PRR16: variants seen among roughly 807,000 people sequenced by gnomAD.
PRR16 encodes the protein proline rich 16.
A neutral mutation model predicts 18.2 loss-of-function variants in PRR16; 6 were observed. The ratio of observed to expected loss-of-function variants is 0.33; its 90% CI spans 0.18 to 0.65. The LOEUF (loss-of-function observed/expected upper bound fraction) is 0.65, where lower values mean the gene tolerates loss of function less well. PRR16 is among the 30% of genes least tolerant of loss of function. PRR16 has a pLI of 0.74. For synonymous variants in PRR16, 151 were observed against 147.8 expected (o/e 1.02, Z -0.16); for missense variants, 412 against 376.6 (o/e 1.09, Z -0.78).
intron 1 of PRR16, among the ~76,000 whole-genome samples, chr5:120,568,418 A>G (rs1009062680): frequency 6.6e-6 from 1 of 152,194 alleles, no homozygotes; most frequent in African/African-American, 2.4e-5. Context: ...GATCAGGGAT[A>G]TGAGATATTT....
At chr5:120,521,600 G>A (rs1751182727) in intron 1 of PRR16, among the ~76,000 whole-genome samples, 1 of 151,904 alleles carries the variant, frequency 6.6e-6, no homozygotes, top group African/African-American at 2.4e-5. Context: ...ATCAAATCAG[G>A]GTAATTATCA....
At chr5:120,645,630 A>C (rs562559512) in intron 1 of PRR16, among the ~76,000 whole-genome samples, 8 of 152,162 alleles carry the variant, frequency 5.3e-5, no homozygotes, top group Admixed American at 3.3e-4. Context: ...AAAAAAGAAA[A>C]TGTTTGAAGT....
chr5:120,535,576 G>T lies in PRR16; in HGVS notation c.159+70931G>T, dbSNP rs535754079. On this transcript the variant is annotated intron_variant, in intron 1 of 1. Coordinates refer to ENST00000407149, the MANE Select transcript of PRR16 (RefSeq NM_001300783.2). ...GCACTTTGGGAGGCCAAAGCGGGAG[G>T]ATCGCTTGAGCTCGAGAGTTCAAAA... Among the ~76,000 whole-genome samples the T allele has an allele frequency of 5.3e-5, 8 of 152,290 alleles. No homozygotes were observed. In the South Asian group the frequency reaches 1.7e-3, roughly 32 times the overall value.
At chr5:120,501,172 C>T (rs1003669683) in intron 1 of PRR16, among the ~76,000 whole-genome samples, 1 of 152,162 alleles carries the variant, frequency 6.6e-6, no homozygotes, top group South Asian at 2.1e-4. Flanking sequence ...TAGAAAAATG[C>T]GTAGCATTAA....
chr5:120,659,951 C>T (rs748792566), intron 1 of PRR16, among the ~76,000 whole-genome samples: 1 of 152,012 alleles, frequency 6.6e-6, no homozygotes, highest in Non-Finnish European at 1.5e-5. Context: ...GCATGTCCTC[C>T]AACCCAGAGC....
At chr5:120,541,917 C>G (rs1037484588) in intron 1 of PRR16, among the ~76,000 whole-genome samples, 3 of 151,736 alleles carry the variant, frequency 2.0e-5, no homozygotes, top group Admixed American at 2.0e-4. Context: ...TACCCCCTTC[C>G]TTTCCTCTTT....
At chr5:120,681,729 A>G (rs1019378411) in intron 1 of PRR16, among the ~76,000 whole-genome samples, 15 of 152,326 alleles carry the variant, frequency 9.8e-5, no homozygotes, top group African/African-American at 3.6e-4. Context: ...CAGTTAAACT[A>G]TATTAACATT....
At chr5:120,582,809 C>T (rs1041147746) in intron 1 of PRR16, among the ~76,000 whole-genome samples, 2 of 150,562 alleles carry the variant, frequency 1.3e-5, no homozygotes, top group Non-Finnish European at 2.9e-5. Context: ...TGAAGTCTAG[C>T]TATAAATTGG....
intron 1 of PRR16, among the ~76,000 whole-genome samples, chr5:120,621,363 C>G (rs541722212): frequency 6.6e-6 from 1 of 152,138 alleles, no homozygotes; most frequent in African/African-American, 2.4e-5. Flanking sequence ...GTCTGTTTAC[C>G]TTGTGATCAT....
chr5:120,519,059 T>G (rs1471439818), intron 1 of PRR16, among the ~76,000 whole-genome samples: 2 of 152,044 alleles, frequency 1.3e-5, no homozygotes, highest in East Asian at 3.9e-4. Context: ...CCTTCCCCCA[T>G]TCTTCCCATT....
intron 1 of PRR16, among the ~76,000 whole-genome samples, chr5:120,561,238 G>A (rs1419882115): frequency 1.3e-5 from 2 of 151,450 alleles, no homozygotes; most frequent in Non-Finnish European, 2.9e-5. Flanking sequence ...CTTCTTTTTT[G>A]ATGTAGACCT....
the PRR16 span, among the ~76,000 whole-genome samples, chr5:120,711,983 C>T: frequency 6.6e-6 from 1 of 152,120 alleles, no homozygotes; most frequent in African/African-American, 2.4e-5. Flanking sequence ...TTATGTTAGC[C>T]TTAATTTGAC....
chr5:120,500,423 T>G (rs1750408137), intron 1 of PRR16, among the ~76,000 whole-genome samples: 1 of 152,228 alleles, frequency 6.6e-6, no homozygotes, highest in African/African-American at 2.4e-5. Flanking sequence ...GGTTTTTAGT[T>G]GTACTTTGTG....
chr5:120,541,110 A>T (rs980704509), intron 1 of PRR16, among the ~76,000 whole-genome samples: 3 of 152,106 alleles, frequency 2.0e-5, no homozygotes, highest in Non-Finnish European at 4.4e-5. Flanking sequence ...CTAGATATAT[A>T]ACAATAAATG....
At chr5:120,773,574 A>T in the PRR16 span, among the ~76,000 whole-genome samples, 1 of 152,108 alleles carries the variant, frequency 6.6e-6, no homozygotes, top group Admixed American at 6.6e-5. Context: ...GCCACACCTA[A>T]CTTCAAGTTA....
intron 1 of PRR16, among the ~76,000 whole-genome samples, chr5:120,636,267 G>GA (rs1051364636): frequency 1.9e-4 from 28 of 150,748 alleles, no homozygotes; most frequent in African/African-American, 3.6e-4. Flanking sequence ...CACAAAACTA[G>GA]AAAAAAAAAT....
intron 1 of PRR16, among the ~76,000 whole-genome samples, chr5:120,482,681 T>G (rs1749658755): frequency 6.6e-6 from 1 of 152,140 alleles, no homozygotes; most frequent in Non-Finnish European, 1.5e-5. Context: ...GTATTTTTAT[T>G]TTAAGTTCTT....
the PRR16 span, among the ~76,000 whole-genome samples, chr5:120,700,721 A>G: frequency 7.3e-3 from 1,116 of 152,200 alleles, 24 homozygotes; most frequent in African/African-American, 0.025. Context: ...CTTGAAAAGA[A>G]AGTAATGTGG....
chr5:120,550,217 A>G (rs1380926696), intron 1 of PRR16, among the ~76,000 whole-genome samples: 1 of 152,052 alleles, frequency 6.6e-6, no homozygotes, highest in Non-Finnish European at 1.5e-5. Context: ...CACTCTAAAT[A>G]TGAAGTTCGA....
Sources: allele counts gnomAD v4.1 joint callset (sites outside exome capture counted in the v4.1 genomes callset), GRCh38; gene constraint gnomAD v4.1.1; transcripts MANE v1.5; gene names NCBI Gene and HGNC (gene_info 2026-07-23, HGNC 2026-07-21).